Variants in TNFRSF10B observed in about 807,000 individuals in gnomAD.
The protein encoded by TNFRSF10B is tumor necrosis factor receptor superfamily member 10B.
In TNFRSF10B, 35 loss-of-function variants were observed where a neutral mutation model predicts 41.4. The ratio of observed to expected loss-of-function variants is 0.85; its 90% CI spans 0.65 to 1.12. TNFRSF10B has a LOEUF of 1.12. Among genes scored for constraint, TNFRSF10B ranks in the 50% most tolerant of loss-of-function variants. The probability of loss-of-function intolerance (pLI) is 0.00; values close to 1 mark genes in which losing one functional copy is unlikely to be tolerated. For missense variants in TNFRSF10B, 584 were observed against 552.7 expected (o/e 1.06, Z -0.57); for synonymous variants, 230 against 215.5 (o/e 1.07, Z -0.59).
At chr8:23,039,468 C>T (rs865789752) in intron 2 of TNFRSF10B, among the ~76,000 whole-genome samples, 3 of 152,230 alleles carry the variant, frequency 2.0e-5, no homozygotes, top group Middle Eastern at 3.4e-3. Flanking sequence ...GGAGGTCAGT[C>T]TTTTTTCTAT....
At chr8:23,024,526 T>G (rs76761069) in intron 7 of TNFRSF10B, among the ~76,000 whole-genome samples, 125 of 102,442 alleles carry the variant, frequency 1.2e-3, no homozygotes, top group African/African-American at 4.6e-3. Context: ...TCTTGATGAT[T>G]TTTTTTTTTT....
intron 1 of TNFRSF10B, among the ~76,000 whole-genome samples, chr8:23,059,652 G>C (rs7010140): frequency 1.3e-5 from 2 of 151,580 alleles, no homozygotes; most frequent in Non-Finnish European, 2.9e-5. Context: ...GACTACAGGC[G>C]CCTGCCACCA....
intron 1 of TNFRSF10B, among the ~76,000 whole-genome samples, chr8:23,065,560 A>C (rs1812957033): frequency 6.6e-6 from 1 of 152,242 alleles, no homozygotes; most frequent in South Asian, 2.1e-4. Flanking sequence ...CAGTGGACAG[A>C]ACGCATGCCA....
At chr8:23,045,060 C>CAGAAA (rs1211235465) in intron 1 of TNFRSF10B, among the ~76,000 whole-genome samples, 6 of 38,810 alleles carry the variant, frequency 1.5e-4, no homozygotes, top group African/African-American at 6.5e-4. Context: ...TAATAAAATA[C>CAGAAA]AAAAAAAAAA....
intron 2 of TNFRSF10B, among the ~76,000 whole-genome samples, chr8:23,033,165 T>C (rs1250178286): frequency 2.0e-5 from 3 of 152,174 alleles, no homozygotes; most frequent in African/African-American, 4.8e-5. Context: ...AATTAAGACC[T>C]TCTTAGATAA....
intron 1 of TNFRSF10B, among the ~76,000 whole-genome samples, chr8:23,053,979 T>C (rs1585223804): frequency 6.6e-6 from 1 of 152,238 alleles, no homozygotes; most frequent in Admixed American, 6.5e-5. Context: ...AATTATTGTG[T>C]GCCACAGAGG....
chr8:23,043,120 G>C lies in TNFRSF10B; in HGVS notation c.250+18C>G. The C allele has an allele frequency of 6.2e-7, 1 of 1,608,152 alleles. No homozygotes were observed. Among genetic ancestry groups the C allele is most frequent in the East Asian group, 2.2e-5 (1 of 44,802 alleles). ...AAGGGGAGGAGGGGCAAGGATTAGA[G>C]ACCCATCTTGAACATACCAGGTGGA... On this transcript the variant is annotated intron_variant, in intron 2 of 8. Transcript: ENST00000276431.
At chr8:23,030,397 C>T (rs981438352) in intron 3 of TNFRSF10B, among the ~76,000 whole-genome samples, 4 of 152,180 alleles carry the variant, frequency 2.6e-5, no homozygotes, top group African/African-American at 7.2e-5. Flanking sequence ...CCTGCAACCT[C>T]GGCCTCCTGG....
At chr8:23,033,311 G>A (rs992680519) in intron 2 of TNFRSF10B, among the ~76,000 whole-genome samples, 3 of 152,128 alleles carry the variant, frequency 2.0e-5, no homozygotes, top group African/African-American at 7.2e-5. Flanking sequence ...GAGGCCGGGT[G>A]CGGTGGCTCA....
chr8:23,030,274 C>T (rs150039191), intron 3 of TNFRSF10B, among the ~76,000 whole-genome samples: 7 of 152,318 alleles, frequency 4.6e-5, no homozygotes, highest in African/African-American at 1.7e-4. Flanking sequence ...ATTTCCTTAC[C>T]ATGTAGCATA....
chr8:23,054,905 T>C (rs965434458), intron 1 of TNFRSF10B, among the ~76,000 whole-genome samples: 1 of 152,200 alleles, frequency 6.6e-6, no homozygotes, highest in Non-Finnish European at 1.5e-5. Context: ...GCACGGTATA[T>C]AAGTAATTAG....
chr8:23,068,993 G>A lies in TNFRSF10B; in HGVS notation c.-99C>T, dbSNP rs766262983. The A allele has an allele frequency of 1.5e-5, 23 of 1,583,932 alleles. No individual in the cohort carries two copies. Among genetic ancestry groups the A allele is most frequent in the South Asian group, 5.6e-5 (5 of 89,382 alleles). The stretch of plus-strand genomic sequence containing the variant: ...TGTATTTTGTGGGCGCAGAGATTGC[G>A]GGGTTCTCCGGCCGCGTGCTGATTT... On this transcript the variant is annotated 5_prime_UTR_variant, in exon 1 of 9. Transcript: ENST00000276431.
chr8:23,029,520 G>A (rs1435938492), intron 4 of TNFRSF10B, 90 bp downstream of exon 4: 1 of 1,295,930 alleles, frequency 7.7e-7, no homozygotes, highest in African/African-American at 1.5e-5. Flanking sequence ...GCCCCTTGCG[G>A]GTGCTGTCAG....
intron 4 of TNFRSF10B, among the ~76,000 whole-genome samples, chr8:23,029,328 T>C (rs904815727): frequency 1.2e-4 from 19 of 152,216 alleles, no homozygotes; most frequent in African/African-American, 4.6e-4. Flanking sequence ...TCAAGAGAAA[T>C]TAAATCATTT....
chr8:23,061,301 T>C lies in TNFRSF10B; in HGVS notation c.144+7450A>G, dbSNP rs939811337. On this transcript the variant is annotated intron_variant, in intron 1 of 8. Transcript: ENST00000276431. ...ACATCCTCCTTTATAGCCTGTACTA[T>C]ACCTGCTGTAAGGCAAGTTTCTTAC... Among the ~76,000 whole-genome samples, 18 of 152,218 alleles carry C rather than the reference T, an allele frequency of 1.2e-4. 1 individual carries two copies. The highest frequency in any genetic ancestry group is 4.3e-4 in the African/African-American group (18 of 41,466).
At chr8:23,036,538 GAC>G (rs1475155876) in intron 2 of TNFRSF10B, among the ~76,000 whole-genome samples, 1 of 152,196 alleles carries the variant, frequency 6.6e-6, no homozygotes, top group Non-Finnish European at 1.5e-5. Context: ...GTCCCTGAAG[GAC>G]AGTGGTGAAA....
intron 1 of TNFRSF10B, among the ~76,000 whole-genome samples, chr8:23,063,020 T>C (rs1812874849): frequency 6.6e-6 from 1 of 152,338 alleles, no homozygotes; most frequent in South Asian, 2.1e-4. Context: ...TGCATTCATA[T>C]TTCTATTCCT....
intron 2 of TNFRSF10B, among the ~76,000 whole-genome samples, chr8:23,031,313 T>A (rs1417967194): frequency 6.6e-6 from 1 of 152,128 alleles, no homozygotes; most frequent in Non-Finnish European, 1.5e-5. Context: ...CCTGACCTCA[T>A]GATCTGCCTG....
At chr8:23,054,037 A>G (rs1019565156) in intron 1 of TNFRSF10B, among the ~76,000 whole-genome samples, 1 of 152,230 alleles carries the variant, frequency 6.6e-6, no homozygotes, top group African/African-American at 2.4e-5. Context: ...TGGCTACCCT[A>G]AAACCTTTTG....
Sources: gnomAD v4.1 joint callset for allele counts (sites outside exome capture counted in the v4.1 genomes callset) on GRCh38, gnomAD v4.1.1 for gene constraint, MANE v1.5 for transcripts, NCBI Gene and HGNC (gene_info 2026-07-23, HGNC 2026-07-21) for gene names.